The following HDGFL3 variants were observed in gnomAD, a reference collection of about 807,000 sequenced individuals.
The protein encoded by HDGFL3 is hepatoma-derived growth factor-related protein 3.
HDGFL3 carries 6 observed loss-of-function variants against 27.6 expected under a neutral mutation model. The observed-to-expected ratio is 0.22, with a 90% confidence interval of 0.12 to 0.43. HDGFL3 has a LOEUF of 0.43. Ranked by LOEUF, HDGFL3 falls within the 20% of genes least tolerant of loss-of-function variation. HDGFL3 has a pLI of 1.00. For synonymous variants in HDGFL3, 88 were observed against 88.9 expected, an observed-to-expected ratio of 0.99 and a Z score of 0.05; for missense variants, 207 against 250.1, an observed-to-expected ratio of 0.83 and a Z score of 1.16.
intron 1 of HDGFL3, among the ~76,000 whole-genome samples, chr15:83,197,480 CTCTT>C (rs2151421861): frequency 6.6e-6 from 1 of 152,320 alleles, no homozygotes; most frequent in East Asian, 1.9e-4. Context: ...GCAAGGCAAT[CTCTT>C]TTTGATAGGA....
chr15:83,127,831 CT>C lies in HDGFL3; in HGVS notation c.*11438del. On this transcript the variant is annotated 3_prime_UTR_variant, in exon 6 of 6. Transcript: ENST00000299633. ...CTAAAAAAGGATTGAGAGCTGTCAC[CT>C]TCAAAATGTCCATCCAAATTTAAGA... is the stretch of plus-strand genomic sequence containing the variant. 3.8e-6 allele frequency: 1 copy of C among 262,462 alleles called. No individual in the cohort carries two copies. Among genetic ancestry groups the C allele is most frequent in the Non-Finnish European group, 7.3e-6 (1 of 136,938 alleles). 16.3% of individuals were successfully genotyped at this position (262,462 alleles called of 1,614,324 possible).
intron 5 of HDGFL3, among the ~76,000 whole-genome samples, chr15:83,140,775 G>C (rs1470969863): frequency 6.6e-6 from 1 of 152,124 alleles, no homozygotes; most frequent in Non-Finnish European, 1.5e-5. Flanking sequence ...GAGCCACCGT[G>C]CCTGGCCGAA....
intron 2 of HDGFL3, among the ~76,000 whole-genome samples, chr15:83,161,948 C>G (rs960187886): frequency 6.6e-6 from 1 of 152,068 alleles, no homozygotes; most frequent in African/African-American, 2.4e-5. Flanking sequence ...ATGTTAGAAG[C>G]AGAAGAACTT....
intron 2 of HDGFL3, among the ~76,000 whole-genome samples, chr15:83,160,932 A>G (rs1017519081): frequency 9.9e-5 from 15 of 152,154 alleles, no homozygotes; most frequent in African/African-American, 3.4e-4. Context: ...TTCACCTTTA[A>G]TTGCTCAGTC....
chr15:83,177,342 A>G (rs2037325215), intron 1 of HDGFL3, among the ~76,000 whole-genome samples: 2 of 152,246 alleles, frequency 1.3e-5, no homozygotes, highest in Admixed American at 1.3e-4. Flanking sequence ...GGAGTGTGTA[A>G]TATAAGCAAA....
At chr15:83,148,804 T>C (rs1381627877) in intron 5 of HDGFL3, among the ~76,000 whole-genome samples, 3 of 152,032 alleles carry the variant, frequency 2.0e-5, no homozygotes, top group Non-Finnish European at 2.9e-5. Context: ...GCTGAGTGAA[T>C]GTTATAAGTT....
Position 83,177,335 on chromosome 15 carries a change from G to A in HDGFL3, c.85-13260C>T, listed in dbSNP as rs148914113. Reference sequence around the variant, plus strand: ...CTTGTCTGAATTTAATTGCCATGGAGTGTGTAATATAAGCAAATGTTTTAT... The same window carrying A: ...CTTGTCTGAATTTAATTGCCATGGAATGTGTAATATAAGCAAATGTTTTAT... On this transcript the variant is annotated intron_variant, in intron 1 of 5. Transcript: ENST00000299633. 6.6e-5 allele frequency among the ~76,000 whole-genome samples: 10 copies of A among 152,330 alleles called. No individual in the cohort carries two copies. In the East Asian group the frequency reaches 1.3e-3, roughly 21 times the overall value.
chr15:83,171,398 T>C (rs979866161), intron 1 of HDGFL3, among the ~76,000 whole-genome samples: 1 of 152,168 alleles, frequency 6.6e-6, no homozygotes, highest in African/African-American at 2.4e-5. Flanking sequence ...ACTGTGTATA[T>C]ATCCAAAAGA....
At chr15:83,200,954 A>G (rs1453405202) in intron 1 of HDGFL3, among the ~76,000 whole-genome samples, 10 of 151,802 alleles carry the variant, frequency 6.6e-5, no homozygotes, top group African/African-American at 2.2e-4. Context: ...CTAGGTAAAA[A>G]GAAGACAGAA....
chr15:83,207,531 GC>G lies in HDGFL3; in HGVS notation c.-118del. 1.3e-6 allele frequency: 1 copy of G among 784,238 alleles called. No individual in the cohort carries two copies. Among genetic ancestry groups the G allele is most frequent in the Non-Finnish European group, 1.7e-6 (1 of 581,404 alleles). 48.6% of individuals were successfully genotyped at this position (784,238 alleles called of 1,614,324 possible). ...CGCGGGCCTCAAGCCGGGCGGACGA[GC>G]GGCCGCTCCGACGAGGGGAAGCGGC... On this transcript the variant is annotated 5_prime_UTR_variant, in exon 1 of 6. Coordinates refer to ENST00000299633, the MANE Select transcript of HDGFL3 (RefSeq NM_016073.4). This position sits in a 1 kb window ranked among gnomAD's most constrained non-coding sequence, Gnocchi z 4.8.
chr15:83,179,030 C>T (rs1221376852), intron 1 of HDGFL3, among the ~76,000 whole-genome samples: 1 of 152,182 alleles, frequency 6.6e-6, no homozygotes, highest in Non-Finnish European at 1.5e-5. Flanking sequence ...TCAAACAGAA[C>T]AGGCACAGTT....
chr15:83,157,437 C>T lies in HDGFL3; in HGVS notation c.437G>A (p.Arg146Gln), dbSNP rs748314372. 3 of 1,613,076 alleles carry T rather than the reference C, an allele frequency of 1.9e-6. No homozygotes were observed. Among genetic ancestry groups the T allele is most frequent in the African/African-American group, 1.3e-5 (1 of 74,880 alleles). Residue 146 changes from arginine to glutamine, a missense_variant, in exon 4 of 6, where the codon CGG becomes CAG. Arg to Gln is a conservative substitution (Grantham distance 43, BLOSUM62 1). Coordinates refer to ENST00000299633, the MANE Select transcript of HDGFL3 (RefSeq NM_016073.4). ...KRKNEKAGSKRKKSYTSKKSS... is the reference protein window; with the variant it reads ...KRKNEKAGSKQKKSYTSKKSS... ...AACCTTTGAAGTATATGACTTTTTC[C>T]GTTTTGAGCCTGCTTTTTCATTCTT...
rs1314305515 is a variant in HDGFL3, at chr15:83,132,736, A to C, written c.*6534T>G. ...CGGTTTTTCCCTCATGGAGACGTTA[A>C]GAAAAATCTGAAAGTAACAGTTTAG... is the stretch of plus-strand genomic sequence containing the variant. On this transcript the variant is annotated 3_prime_UTR_variant, in exon 6 of 6. Transcript: ENST00000299633. 1 of 152,166 alleles carries C rather than the reference A, an allele frequency of 6.6e-6. No individual in the cohort carries two copies. Among genetic ancestry groups the C allele is most frequent in the Non-Finnish European group, 1.5e-5 (1 of 68,026 alleles). The allele number at this position is 152,166 out of a possible 1,614,324, so 9.4% of individuals were successfully genotyped here. A position where few individuals can be genotyped will look rare whatever the true frequency, so the allele number is the denominator to read the frequency against.
intron 1 of HDGFL3, among the ~76,000 whole-genome samples, chr15:83,205,849 A>T (rs77335009): frequency 0.045 from 6,881 of 152,292 alleles, 220 homozygotes; most frequent in Non-Finnish European, 0.069. Flanking sequence ...ATAAAAAATA[A>T]CCAGTTATTC....
At chr15:83,167,256 T>TA (rs1007900936) in intron 1 of HDGFL3, among the ~76,000 whole-genome samples, 15 of 151,798 alleles carry the variant, frequency 9.9e-5, no homozygotes, top group East Asian at 1.9e-4. Context: ...TCAACAACAG[T>TA]AAAAAAAGGA....
intron 1 of HDGFL3, among the ~76,000 whole-genome samples, chr15:83,197,446 C>T (rs1455909051): frequency 6.6e-6 from 1 of 152,178 alleles, no homozygotes; most frequent in Non-Finnish European, 1.5e-5. Flanking sequence ...GTTCTCTCTA[C>T]TCAGATTGCT....
chr15:83,120,492 A>G (rs753673137), intron 3 of HDGFL3, among the ~76,000 whole-genome samples: 5 of 152,056 alleles, frequency 3.3e-5, no homozygotes, highest in Non-Finnish European at 5.9e-5. Context: ...GGTTACAGAA[A>G]GTCATGCATT....
At chr15:83,199,936 C>G (rs545433168) in intron 1 of HDGFL3, among the ~76,000 whole-genome samples, 2 of 151,352 alleles carry the variant, frequency 1.3e-5, no homozygotes, top group Non-Finnish European at 2.9e-5. Context: ...ATCTCAGCTA[C>G]TCAGGAGACT....
intron 1 of HDGFL3, among the ~76,000 whole-genome samples, chr15:83,184,463 A>G (rs1167488995): frequency 1.3e-5 from 2 of 152,126 alleles, no homozygotes; most frequent in African/African-American, 4.8e-5. Flanking sequence ...CTCATTCTTA[A>G]TTCTATAATT....
Sources: gnomAD v4.1 joint callset for allele counts (sites outside exome capture counted in the v4.1 genomes callset) on GRCh38, gnomAD v4.1.1 for gene constraint, Gnocchi (gnomAD v3.1) non-coding constraint, MANE v1.5 for transcripts, NCBI Gene and HGNC (gene_info 2026-07-23, HGNC 2026-07-21) for gene names.